Variants in CACNA1D observed in about 807,000 individuals in gnomAD.
CACNA1D encodes the protein calcium voltage-gated channel subunit alpha1 D, also known as voltage-dependent L-type calcium channel subunit alpha-1D.
CACNA1D carries 55 observed loss-of-function variants against 257.1 expected under a neutral mutation model. The observed-to-expected ratio is 0.21, with a 90% confidence interval of 0.17 to 0.27. The LOEUF (loss-of-function observed/expected upper bound fraction) is 0.27. CACNA1D is among the 10% of genes least tolerant of loss of function. The pLI, the probability that CACNA1D is intolerant of heterozygous loss-of-function variation, is 1.00. For missense variants in CACNA1D, 1,876 were observed against 2,784.0 expected, an observed-to-expected ratio of 0.67 and a Z score of 7.34; for synonymous variants, 980 against 1,014.9, an observed-to-expected ratio of 0.97 and a Z score of 0.65.
intron 17 of CACNA1D, among the ~76,000 whole-genome samples, chr3:53,731,685 G>A (rs1371806465): frequency 6.6e-6 from 1 of 152,206 alleles, no homozygotes; most frequent in Non-Finnish European, 1.5e-5. Flanking sequence ...CTGCCTTCAT[G>A]GGGCTCACAG....
intron 8 of CACNA1D, among the ~76,000 whole-genome samples, chr3:53,700,269 A>G (rs2094610820): frequency 6.6e-6 from 1 of 152,024 alleles, no homozygotes; most frequent in African/African-American, 2.4e-5. Context: ...GTATGTAACC[A>G]TCTGAATTTA....
In CACNA1D at chr3:53,774,758, T is replaced by TTA; in HGVS notation, c.4202+82_4202+83dup. 1 of 814,278 alleles carries TTA rather than the reference T, an allele frequency of 1.2e-6. No homozygotes were observed. Among genetic ancestry groups the TTA allele is most frequent in the Admixed American group, 1.8e-5 (1 of 54,616 alleles). 50.4% of individuals were successfully genotyped at this position (814,278 alleles called of 1,614,324 possible). On this transcript the variant is annotated intron_variant, in intron 34 of 47. Coordinates refer to ENST00000350061, the MANE Select transcript of CACNA1D (RefSeq NM_001128840.3). This position sits in a 1 kb window ranked among gnomAD's most constrained non-coding sequence, Gnocchi z 4.3. ...GGTCCAGAGGGACGGAGGACACAGG[T>TTA]TATTAAAGCAGTGTGCCTTTCTCAG...
chr3:53,656,370 G>A (rs535007000), intron 4 of CACNA1D, among the ~76,000 whole-genome samples: 1 of 152,352 alleles, frequency 6.6e-6, no homozygotes, highest in African/African-American at 2.4e-5. Context: ...GCTTTGGGCA[G>A]TATGGCTAAT....
chr3:53,810,347 G>A, intron 47 of CACNA1D, 49 bp downstream of exon 47: 1 of 1,571,688 alleles, frequency 6.4e-7, no homozygotes, highest in Non-Finnish European at 8.8e-7. Context: ...AGGAGCAGCA[G>A]AGGTGCAACT....
chr3:53,668,393 A>G (rs1444591163), intron 7 of CACNA1D, among the ~76,000 whole-genome samples: 4 of 152,216 alleles, frequency 2.6e-5, no homozygotes, highest in African/African-American at 9.7e-5. Context: ...CTTTCCTGAG[A>G]AGGTTTAAAT....
chr3:53,590,634 T>C (rs2093290176), intron 3 of CACNA1D, among the ~76,000 whole-genome samples: 1 of 152,168 alleles, frequency 6.6e-6, no homozygotes, highest in African/African-American at 2.4e-5. Context: ...TAATTCCTGT[T>C]GGTTGGTTGG....
chr3:53,560,387 T>C (rs2092716989), intron 3 of CACNA1D, among the ~76,000 whole-genome samples: 1 of 152,210 alleles, frequency 6.6e-6, no homozygotes, highest in African/African-American at 2.4e-5. Flanking sequence ...GGAGCCTCTA[T>C]ATTAGTCTGT....
intron 3 of CACNA1D, among the ~76,000 whole-genome samples, chr3:53,509,594 AG>A (rs1344546115): frequency 3.3e-5 from 5 of 152,126 alleles, no homozygotes; most frequent in Non-Finnish European, 5.9e-5. Context: ...GGAGGGAATC[AG>A]GGGCTGACCC....
At chr3:53,809,773 G>C in intron 46 of CACNA1D, 1 of 603,740 alleles carries the variant, frequency 1.7e-6, no homozygotes, top group Non-Finnish European at 3.0e-6. Flanking sequence ...TTATGGATTC[G>C]GGGTAAAAGA....
At chr3:53,557,619 G>A (rs555387655) in intron 3 of CACNA1D, among the ~76,000 whole-genome samples, 2 of 152,296 alleles carry the variant, frequency 1.3e-5, no homozygotes, top group South Asian at 4.1e-4. Flanking sequence ...AACTCTATTT[G>A]TTGAAAAGCC....
At chr3:53,558,750 C>G (rs2092688253) in intron 3 of CACNA1D, among the ~76,000 whole-genome samples, 1 of 152,108 alleles carries the variant, frequency 6.6e-6, no homozygotes, top group South Asian at 2.1e-4. Context: ...TCATTCTTCT[C>G]TATGCTGTAT....
At chr3:53,688,522 G>A (rs924758444) in intron 8 of CACNA1D, among the ~76,000 whole-genome samples, 3 of 152,156 alleles carry the variant, frequency 2.0e-5, no homozygotes, top group African/African-American at 7.2e-5. Context: ...TGGATAAACG[G>A]GAAGACCTTT....
In CACNA1D at chr3:53,517,632, C is replaced by T. The variant is rs560544258; in HGVS notation, c.483+15912C>T. ...CTGAGTAGCTGGGGCTACAGGCGTG[C>T]GCCACCACACCCAGCTAATTTTTGT... is the stretch of plus-strand genomic sequence containing the variant. On this transcript the variant is annotated intron_variant, in intron 3 of 47. Transcript: ENST00000350061. 1.2e-4 allele frequency among the ~76,000 whole-genome samples: 18 copies of T among 152,094 alleles called. No individual in the cohort carries two copies. In the South Asian group the frequency reaches 1.7e-3, roughly 14 times the overall value.
At chr3:53,680,557 A>G (rs926417269) in intron 8 of CACNA1D, among the ~76,000 whole-genome samples, 1 of 152,028 alleles carries the variant, frequency 6.6e-6, no homozygotes, top group Non-Finnish European at 1.5e-5. Flanking sequence ...GTTGCAGGGG[A>G]GGCTGTTGAA....
chr3:53,773,875 A>G (rs2095381234), intron 33 of CACNA1D: 1 of 152,350 alleles, frequency 6.6e-6, no homozygotes, highest in African/African-American at 2.4e-5. Flanking sequence ...TGGCACACAC[A>G]ACCCCAGATT....
intron 40 of CACNA1D, among the ~76,000 whole-genome samples, chr3:53,798,500 G>C (rs369398623): frequency 4.6e-5 from 7 of 152,320 alleles, no homozygotes; most frequent in South Asian, 2.1e-4. Flanking sequence ...GGACATGACT[G>C]TCTGTCCCCT....
chr3:53,660,212 G>T lies in CACNA1D; in HGVS notation c.703G>T (p.Asp235Tyr). The T allele has an allele frequency of 6.2e-7, 1 of 1,614,028 alleles. No homozygotes were observed. Among genetic ancestry groups the T allele is most frequent in the Non-Finnish European group, 8.5e-7 (1 of 1,179,890 alleles). Residue 235 changes from aspartate to tyrosine, a missense_variant, in exon 5 of 48, where the codon GAT (aspartate) becomes TAT (tyrosine). Asp to Tyr is a radical substitution (Grantham distance 160). Coordinates refer to ENST00000350061, the MANE Select transcript of CACNA1D (RefSeq NM_001128840.3). ...CTCAAGCGGCAAATCTGGAGGCTTT[G>T]ATGTCAAAGCCCTCCGTGCCTTTCG... is the stretch of plus-strand genomic sequence containing the variant. ...NHSSGKSGGF[D>Y]VKALRAFRVL...
intron 3 of CACNA1D, among the ~76,000 whole-genome samples, chr3:53,521,821 A>G (rs771031059): frequency 2.6e-5 from 4 of 152,186 alleles, no homozygotes; most frequent in Non-Finnish European, 4.4e-5. Context: ...GAAATTTAAG[A>G]TTCTCAGTCA....
intron 8 of CACNA1D, among the ~76,000 whole-genome samples, chr3:53,689,786 G>A (rs745535795): frequency 4.7e-4 from 72 of 152,226 alleles, no homozygotes; most frequent in Non-Finnish European, 6.9e-4. Flanking sequence ...ACCCTCCCAA[G>A]TAGCTGGGAC....
Sources: gnomAD v4.1 joint callset for allele counts (sites outside exome capture counted in the v4.1 genomes callset) on GRCh38, gnomAD v4.1.1 for gene constraint, Gnocchi (gnomAD v3.1) non-coding constraint, MANE v1.5 for transcripts, NCBI Gene and HGNC (gene_info 2026-07-23, HGNC 2026-07-21) for gene names.